The following CECR2 variants were observed in gnomAD, a reference collection of about 807,000 sequenced individuals.
The protein encoded by CECR2 is chromatin remodeling regulator CECR2.
In CECR2, 30 loss-of-function variants were observed where a neutral mutation model predicts 154.5. That is an observed-to-expected ratio of 0.19 (90% CI 0.15 to 0.26). The LOEUF is 0.26. Among genes scored for constraint, CECR2 ranks in the 10% least tolerant of loss-of-function variants. CECR2 has a pLI of 1.00. For synonymous variants in CECR2, 725 were observed against 683.7 expected, an observed-to-expected ratio of 1.06 and a Z score of -0.94; for missense variants, 1,743 against 1,829.3, an observed-to-expected ratio of 0.95 and a Z score of 0.86.
chr22:17,497,574 C>A lies in CECR2; in HGVS notation c.393C>A (p.Phe131Leu), dbSNP rs774829517. ...ACCGGCTGGATGCAGACGATGTCTT[C>A]GATCTTCTAAAGGTATGCTTAACTG... ...CDYRLDADDV[F>L]DLLKGLDADS... Residue 131 changes from phenylalanine (F) to leucine (L), a missense_variant, in exon 3 of 19, where the codon TTC becomes TTA. Physicochemically the swap from Phe to Leu is conservative, Grantham distance 22 (BLOSUM62 0). Around this residue, in one of 4 missense-constraint regions of CECR2, gnomAD observed 98 missense variants for 169.3 expected, o/e 0.58. Coordinates refer to ENST00000262608, the MANE Select transcript of CECR2 (RefSeq NM_001290047.2). The A allele has an allele frequency of 4.3e-6, 7 of 1,613,884 alleles. No individual in the cohort carries two copies. Among genetic ancestry groups the A allele is most frequent in the Non-Finnish European group, 5.9e-6 (7 of 1,179,834 alleles).
At position 17,433,295 on chromosome 22, in the gene CECR2, G is replaced by C. The variant is rs115847374; in HGVS notation, c.127-44293G>C. ...AGGAATGCTGTTAATATAATACCCA[G>C]TTTGGGGAAAGTTTATGTGTAGAAC... On this transcript the variant is annotated intron_variant, in intron 1 of 18. Coordinates refer to ENST00000262608, the MANE Select transcript of CECR2 (RefSeq NM_001290047.2). Among the ~76,000 whole-genome samples, 370 of 152,300 alleles carry C rather than the reference G, an allele frequency of 2.4e-3. 2 individuals carry two copies. The highest frequency in any genetic ancestry group is 8.2e-3 in the African/African-American group (342 of 41,556).
rs571447459 is a variant in CECR2 at position 17,474,513 on chromosome 22, A to G, written c.127-3075A>G. ...CAGCATCCCTGATATTCTACTTTCT[A>G]TTGTGTTAGAAGAAAAGGCACTCCT... is the stretch of plus-strand genomic sequence containing the variant. On this transcript the variant is annotated intron_variant, in intron 1 of 18. Transcript: ENST00000262608. 4.6e-5 allele frequency among the ~76,000 whole-genome samples: 7 copies of G among 152,188 alleles called. No individual in the cohort carries two copies. The South Asian group carries it at 1.5e-3, about 32-fold the overall frequency.
chr22:17,387,373 A>G (rs2063275530), intron 1 of CECR2, among the ~76,000 whole-genome samples: 1 of 152,216 alleles, frequency 6.6e-6, no homozygotes, highest in African/African-American at 2.4e-5. Flanking sequence ...TGGGAGCGTA[A>G]CCTAGGAAAT....
intron 1 of CECR2, among the ~76,000 whole-genome samples, chr22:17,415,477 A>G (rs1179094155): frequency 2.0e-5 from 3 of 152,122 alleles, no homozygotes; most frequent in African/African-American, 7.2e-5. Context: ...CCTGGGCTCA[A>G]GCGATCTTCC....
chr22:17,465,131 G>C (rs1040857215), intron 1 of CECR2, among the ~76,000 whole-genome samples: 2 of 151,628 alleles, frequency 1.3e-5, no homozygotes, highest in African/African-American at 2.4e-5. Flanking sequence ...CGAGCAGCTG[G>C]GACTACAGGC....
chr22:17,466,267 A>G (rs1307785089), intron 1 of CECR2, among the ~76,000 whole-genome samples: 1 of 152,152 alleles, frequency 6.6e-6, no homozygotes, highest in Non-Finnish European at 1.5e-5. Flanking sequence ...GACCTCTGTA[A>G]AAATCCATAA....
chr22:17,504,706 G>T (rs980292438), intron 6 of CECR2, 141 bp from the exon 7 acceptor site: 68 of 620,786 alleles, frequency 1.1e-4, no homozygotes, highest in Non-Finnish European at 1.8e-4. Flanking sequence ...CTCCCAAAGT[G>T]CTGGGATTAC....
intron 2 of CECR2, among the ~76,000 whole-genome samples, chr22:17,485,832 C>A (rs1223353750): frequency 1.3e-5 from 2 of 152,188 alleles, no homozygotes; most frequent in African/African-American, 4.8e-5. Flanking sequence ...GTGTTGTATT[C>A]ATCTAACAGC....
intron 1 of CECR2, among the ~76,000 whole-genome samples, chr22:17,373,241 T>TA (rs974228522): frequency 1.6e-4 from 24 of 152,162 alleles, no homozygotes; most frequent in Admixed American, 1.1e-3. Context: ...TTTTGTATTA[T>TA]AAAAAAACTT....
rs1187570849 is a variant in CECR2 at position 17,522,540 on chromosome 22, G to A, written c.955-1578G>A. 2.0e-5 allele frequency among the ~76,000 whole-genome samples: 3 copies of A among 152,184 alleles called. No individual in the cohort carries two copies. In the East Asian group the frequency reaches 5.8e-4, roughly 29 times the overall value. The stretch of plus-strand genomic sequence containing the variant: ...TGGCCTGCTCTGGCTATAGGATAAA[G>A]ATTTTATGGTTGTTATTTAATTCTG... On this transcript the variant is annotated intron_variant, in intron 8 of 18. Coordinates refer to ENST00000262608, the MANE Select transcript of CECR2 (RefSeq NM_001290047.2).
rs374940850 is a variant in CECR2 at position 17,540,757 on chromosome 22, A to G, written c.1841A>G (p.His614Arg). 5 of 1,604,828 alleles carry G rather than the reference A, an allele frequency of 3.1e-6. No homozygotes were observed. The highest frequency in any genetic ancestry group is 3.4e-5 in the Admixed American group (2 of 58,488). Residue 614 changes from histidine to arginine, a missense_variant, in exon 14 of 19, where the codon CAT (histidine) becomes CGT (arginine). Physicochemically the swap from His to Arg is conservative, Grantham distance 29. Around this residue, in one of 4 missense-constraint regions of CECR2, gnomAD observed 1,250 missense variants for 1,192.1 expected, o/e 1.05. Transcript: ENST00000262608. ...GGCCGAGGTTTTTCTCATCCCCTGC[A>G]TTGTGGTGGGACACCCAGCCAGGCA... ...SNGRGFSHPL[H>R]CGGTPSQAPF...
intron 1 of CECR2, among the ~76,000 whole-genome samples, chr22:17,465,257 A>G (rs1415311922): frequency 6.6e-6 from 1 of 152,094 alleles, no homozygotes; most frequent in African/African-American, 2.4e-5. Flanking sequence ...CGGCCTCCCA[A>G]AGTGCCGGGA....
chr22:17,473,638 T>C (rs1428848327), intron 1 of CECR2, among the ~76,000 whole-genome samples: 1 of 152,224 alleles, frequency 6.6e-6, no homozygotes, highest in Admixed American at 6.5e-5. Context: ...ATAAATGTTT[T>C]CATGTGGCAT....
chr22:17,424,353 A>G, intron 1 of CECR2: 2 of 172,182 alleles, frequency 1.2e-5, no homozygotes, highest in Admixed American at 5.9e-5. Flanking sequence ...ATGTAGAAAA[A>G]GGGATTCCTC....
At chr22:17,522,161 G>A (rs1237716184) in intron 8 of CECR2, among the ~76,000 whole-genome samples, 1 of 152,124 alleles carries the variant, frequency 6.6e-6, no homozygotes, top group South Asian at 2.1e-4. Context: ...GTAGTGACAA[G>A]GCTCAGTATT....
chr22:17,403,599 T>TG (rs1030588683), intron 1 of CECR2, among the ~76,000 whole-genome samples: 2 of 152,132 alleles, frequency 1.3e-5, no homozygotes, highest in African/African-American at 4.8e-5. Flanking sequence ...TATTCAGTAG[T>TG]GGGGGGCGAA....
Position 17,542,402 on chromosome 22 carries a change from A to G in CECR2, c.2259A>G (p.Glu753=). 1 of 1,613,762 alleles carries G rather than the reference A, an allele frequency of 6.2e-7. No homozygotes were observed. The change falls in exon 16 of 19, where the codon GAA becomes GAG. Residue 753 remains glutamate (E), a synonymous_variant. Coordinates refer to ENST00000262608, the MANE Select transcript of CECR2 (RefSeq NM_001290047.2). ...CACCAGACTTTCCTGAAAGCTCAGA[A>G]ATTCCTCCCAGCCATATGTATCGAT... is the stretch of plus-strand genomic sequence containing the variant. ...ARPPDFPESS[E]IPPSHMYRSY... is the part of the protein sequence containing the mutation.
In CECR2 at chr22:17,548,813, T is replaced by C; in HGVS notation, c.3526T>C (p.Tyr1176His). 1 of 1,613,726 alleles carries C rather than the reference T, an allele frequency of 6.2e-7. No individual in the cohort carries two copies. The highest frequency in any genetic ancestry group is 1.1e-5 in the South Asian group (1 of 91,074). ...NHPHSGGFPR[Y>H]RPPQGMRYSY... The stretch of plus-strand genomic sequence containing the variant: ...CCCACATTCTGGAGGCTTTCCCCGG[T>C]ATCGCCCCCCACAAGGAATGAGGTA... Residue 1176 changes from tyrosine (Y) to histidine (H), a missense_variant, in exon 17 of 19, where the codon TAT (tyrosine) becomes CAT (histidine). By Grantham distance (83) the Tyr-to-His change is moderately conservative (BLOSUM62 2). Coordinates refer to ENST00000262608, the MANE Select transcript of CECR2 (RefSeq NM_001290047.2).
At chr22:17,545,779 G>A (rs765092740) in intron 16 of CECR2, among the ~76,000 whole-genome samples, 3 of 148,430 alleles carry the variant, frequency 2.0e-5, no homozygotes, top group Non-Finnish European at 1.5e-5. Context: ...GGAGGCTGAG[G>A]TTGCAGTGAG....
Sources: allele counts gnomAD v4.1 joint callset (sites outside exome capture counted in the v4.1 genomes callset), GRCh38; gene constraint gnomAD v4.1.1; regional missense constraint gnomAD v4.1.1; transcripts MANE v1.5; gene names NCBI Gene and HGNC (gene_info 2026-07-23, HGNC 2026-07-21).